PCDH9: variants seen among roughly 807,000 people sequenced by gnomAD.
PCDH9 encodes the protein protocadherin-9.
Under a neutral mutation model 70.6 loss-of-function variants are expected in PCDH9, and 24 were observed. That is an observed-to-expected ratio of 0.34 (90% CI 0.25 to 0.48). PCDH9 has a LOEUF of 0.48. PCDH9 is among the 20% of genes least tolerant of loss of function. The probability of loss-of-function intolerance (pLI) is 0.99; values close to 1 mark genes in which losing one functional copy is unlikely to be tolerated. For missense variants in PCDH9, 1,281 were observed against 1,503.6 expected (o/e 0.85, Z 2.45); for synonymous variants, 562 against 558.5 (o/e 1.01, Z -0.09).
chr13:66,625,856 G>A (rs2077491529), intron 4 of PCDH9, among the ~76,000 whole-genome samples: 1 of 151,752 alleles, frequency 6.6e-6, no homozygotes, highest in South Asian at 2.1e-4. Flanking sequence ...TAGAAACAGG[G>A]TTTCACCGTG....
chr13:66,442,023 T>C (rs1034160990), intron 4 of PCDH9, among the ~76,000 whole-genome samples: 1 of 152,182 alleles, frequency 6.6e-6, no homozygotes, highest in African/African-American at 2.4e-5. Context: ...TGAATGACTT[T>C]TGGAAAACTA....
chr13:66,473,202 G>C (rs558373631), intron 4 of PCDH9, among the ~76,000 whole-genome samples: 2 of 151,986 alleles, frequency 1.3e-5, no homozygotes, highest in East Asian at 3.9e-4. Context: ...ATTATTATCT[G>C]TATGACAATT....
chr13:67,003,009 G>A (rs1409158804), intron 2 of PCDH9, among the ~76,000 whole-genome samples: 1 of 151,398 alleles, frequency 6.6e-6, no homozygotes, highest in African/African-American at 2.4e-5. Flanking sequence ...AATGTTAAAT[G>A]TAGAAGTCAA....
chr13:67,160,683 C>T (rs1403764339), intron 2 of PCDH9, among the ~76,000 whole-genome samples: 1 of 152,058 alleles, frequency 6.6e-6, no homozygotes, highest in Non-Finnish European at 1.5e-5. Context: ...TATAAACTAG[C>T]ATTTTATTTG....
At chr13:67,084,739 G>C (rs376017785) in intron 2 of PCDH9, among the ~76,000 whole-genome samples, 97 of 151,310 alleles carry the variant, frequency 6.4e-4, no homozygotes, top group East Asian at 6.1e-3. Context: ...GGTGGCTGAG[G>C]GGGGGGATCA....
intron 4 of PCDH9, among the ~76,000 whole-genome samples, chr13:66,487,866 A>C (rs1054323479): frequency 1.1e-4 from 16 of 152,302 alleles, no homozygotes; most frequent in African/African-American, 3.8e-4. Flanking sequence ...TGACCATGTA[A>C]GCTTGTAGAC....
intron 4 of PCDH9, among the ~76,000 whole-genome samples, chr13:66,405,478 AAGG>A (rs751297742): frequency 3.9e-5 from 6 of 152,226 alleles, no homozygotes; most frequent in Non-Finnish European, 7.3e-5. Context: ...AAAGGATTTC[AAGG>A]AGAACATAAA....
intron 4 of PCDH9, among the ~76,000 whole-genome samples, chr13:66,369,756 G>T (rs184266641): frequency 9.9e-4 from 150 of 152,200 alleles, no homozygotes; most frequent in African/African-American, 3.3e-3. Flanking sequence ...ATGGTATATG[G>T]TGAAGGCTGG....
At chr13:66,736,542 T>C (rs1192200697) in intron 3 of PCDH9, among the ~76,000 whole-genome samples, 1 of 152,218 alleles carries the variant, frequency 6.6e-6, no homozygotes, top group Non-Finnish European at 1.5e-5. Context: ...AGTCTTCTTT[T>C]AGATTTTGTT....
intron 4 of PCDH9, among the ~76,000 whole-genome samples, chr13:66,602,310 T>C (rs1184242330): frequency 6.8e-6 from 1 of 146,410 alleles, no homozygotes; most frequent in East Asian, 1.9e-4. Flanking sequence ...AGGCTGTGGG[T>C]TGGACAAGCT....
At chr13:66,829,063 G>A (rs1459784456) in intron 3 of PCDH9, among the ~76,000 whole-genome samples, 2 of 151,954 alleles carry the variant, frequency 1.3e-5, no homozygotes, top group African/African-American at 4.8e-5. Context: ...ACTTGTCCAG[G>A]CTGGAGTGCC....
chr13:67,210,611 T>G (rs2089448972), intron 2 of PCDH9: 1 of 151,610 alleles, frequency 6.6e-6, no homozygotes, highest in African/African-American at 2.4e-5. Flanking sequence ...TGTAGTTCAA[T>G]TTTTAATAAT....
intron 2 of PCDH9, among the ~76,000 whole-genome samples, chr13:66,942,395 C>T (rs114753445): frequency 0.013 from 2,041 of 151,778 alleles, 49 homozygotes; most frequent in African/African-American, 0.047. Flanking sequence ...TAGATGAATT[C>T]ACCTATTTGT....
chr13:66,791,806 C>G (rs921885509), intron 3 of PCDH9, among the ~76,000 whole-genome samples: 1 of 152,108 alleles, frequency 6.6e-6, no homozygotes, highest in African/African-American at 2.4e-5. Flanking sequence ...AAACCACACT[C>G]TGTAACTCTT....
At chr13:67,066,163 T>C (rs1198914580) in intron 2 of PCDH9, among the ~76,000 whole-genome samples, 3 of 152,172 alleles carry the variant, frequency 2.0e-5, no homozygotes, top group Non-Finnish European at 2.9e-5. Context: ...GGAAACGATA[T>C]ATTTGTGCAT....
chr13:66,645,749 T>C (rs887005358), intron 3 of PCDH9, among the ~76,000 whole-genome samples: 4 of 152,176 alleles, frequency 2.6e-5, no homozygotes, highest in Non-Finnish European at 4.4e-5. Flanking sequence ...CTGTTAGATA[T>C]TGAGATTTTT....
chr13:66,956,814 A>C (rs2083271919), intron 2 of PCDH9, among the ~76,000 whole-genome samples: 1 of 152,104 alleles, frequency 6.6e-6, no homozygotes, highest in African/African-American at 2.4e-5. Flanking sequence ...GTATATTCGG[A>C]TAGGCCATTG....
chr13:66,769,320 G>A (rs751774721), intron 3 of PCDH9, among the ~76,000 whole-genome samples: 2 of 152,130 alleles, frequency 1.3e-5, no homozygotes, highest in Non-Finnish European at 2.9e-5. Flanking sequence ...ACCTATGGGA[G>A]TTTGATTACA....
intron 3 of PCDH9, among the ~76,000 whole-genome samples, chr13:66,786,255 C>T (rs1292587082): frequency 6.6e-6 from 1 of 152,150 alleles, no homozygotes; most frequent in African/African-American, 2.4e-5. Flanking sequence ...AAGCTAGGCA[C>T]AATTCCCTTG....
Sources: allele counts gnomAD v4.1 joint callset (sites outside exome capture counted in the v4.1 genomes callset), GRCh38; gene constraint gnomAD v4.1.1; transcripts MANE v1.5; gene names NCBI Gene and HGNC (gene_info 2026-07-23, HGNC 2026-07-21).